Variants in MROH2B observed in about 807,000 individuals in gnomAD.
The protein encoded by MROH2B is maestro heat-like repeat-containing protein family member 2B.
MROH2B carries 177 observed loss-of-function variants against 208.6 expected under a neutral mutation model. That is an observed-to-expected ratio of 0.85 (90% CI 0.75 to 0.96). MROH2B has a LOEUF of 0.96. Ranked by LOEUF, MROH2B falls within the 40% of genes least tolerant of loss-of-function variation. MROH2B has a pLI of 0.00. For synonymous variants in MROH2B, 728 were observed against 659.0 expected (o/e 1.10, Z -1.60); for missense variants, 2,002 against 1,878.7 (o/e 1.07, Z -1.21).
intron 24 of MROH2B, 112 bp from the exon 25 acceptor site, chr5:41,019,130 T>A: frequency 7.7e-7 from 1 of 1,294,812 alleles, no homozygotes; most frequent in Non-Finnish European, 1.1e-6. Context: ...ACGTGTCACA[T>A]TTTCTGACAC....
intron 2 of MROH2B, 50 bp downstream of exon 2, chr5:41,069,641 G>C (rs1253502661): frequency 7.2e-7 from 1 of 1,384,032 alleles, no homozygotes; most frequent in Admixed American, 2.0e-5. Context: ...ACGAAATGTT[G>C]CAACAAGAAG....
intron 26 of MROH2B, 115 bp from the exon 27 acceptor site, chr5:41,018,545 C>A (rs1742032060): frequency 1.4e-6 from 2 of 1,441,188 alleles, no homozygotes; most frequent in Non-Finnish European, 1.9e-6. Flanking sequence ...TCCCCACAAA[C>A]AATTTTTAAG....
At chr5:41,070,008 T>G (rs1023476755) in intron 1 of MROH2B, among the ~76,000 whole-genome samples, 4 of 152,230 alleles carry the variant, frequency 2.6e-5, no homozygotes, top group Admixed American at 6.5e-5. Flanking sequence ...CGGATTCCTA[T>G]GTATCCCTCC....
At chr5:41,043,094 C>A (rs1169096547) in intron 18 of MROH2B, among the ~76,000 whole-genome samples, 1 of 152,116 alleles carries the variant, frequency 6.6e-6, no homozygotes, top group Non-Finnish European at 1.5e-5. Context: ...TCATTACTGA[C>A]AATAGGAAAA....
intron 13 of MROH2B, among the ~76,000 whole-genome samples, chr5:41,049,834 A>T (rs987406624): frequency 1.3e-5 from 2 of 152,166 alleles, no homozygotes; most frequent in African/African-American, 4.8e-5. Context: ...TGACTTCCCC[A>T]GTTGAGAAGC....
Position 41,004,424 on chromosome 5 carries a change from G to C in MROH2B, c.4116C>G (p.Ile1372Met). ...CGTCTCGGTCTGTCAGCAGCTCCAG[G>C]ATTTTTTTTAGAGCCTTCAAGCTTT... ...VCESLKALKK[I>M]LELLTDRDVS... The change falls in exon 37 of 42, where the codon ATC (isoleucine) becomes ATG (methionine). Residue 1372 changes from isoleucine to methionine, a missense_variant. Coordinates refer to ENST00000399564, the MANE Select transcript of MROH2B (RefSeq NM_173489.5). 1 of 1,613,974 alleles carries C rather than the reference G, an allele frequency of 6.2e-7. No homozygotes were observed. The highest frequency in any genetic ancestry group is 1.1e-5 in the South Asian group (1 of 91,084).
Position 41,024,229 on chromosome 5 carries a change from C to T in MROH2B, c.2442-5211G>A, listed in dbSNP as rs1203225774. On this transcript the variant is annotated intron_variant, in intron 24 of 41. Transcript: ENST00000399564. ...TGGGATAAATACTCCAATTAAAAGA[C>T]ACAGACTGGCAAATTGGATAAAGAG... is the stretch of plus-strand genomic sequence containing the variant. Among the ~76,000 whole-genome samples, 4 of 152,286 alleles carry T rather than the reference C, an allele frequency of 2.6e-5. No individual in the cohort carries two copies. In the East Asian group the frequency reaches 7.7e-4, roughly 29 times the overall value.
In MROH2B at chr5:41,020,889, A is replaced by T. The variant is rs1398954753; in HGVS notation, c.2442-1871T>A. ...CATCCCCTGTAAGATCAAGAGTAAG[A>T]CAAGGATACCATTTTTACAACTTCT... is the stretch of plus-strand genomic sequence containing the variant. On this transcript the variant is annotated intron_variant, in intron 24 of 41. Transcript: ENST00000399564. Among the ~76,000 whole-genome samples the T allele has an allele frequency of 3.3e-5, 5 of 152,214 alleles. No individual in the cohort carries two copies. In the East Asian group the frequency reaches 9.6e-4, roughly 29 times the overall value.
intron 5 of MROH2B, among the ~76,000 whole-genome samples, chr5:41,062,273 T>C (rs185298222): frequency 1.1e-3 from 168 of 152,264 alleles, no homozygotes; most frequent in Non-Finnish European, 1.7e-3. Context: ...GAAATAAAAA[T>C]GGGCGATAAC....
At chr5:41,034,304 T>C (rs140549443) in intron 21 of MROH2B, among the ~76,000 whole-genome samples, 2 of 152,254 alleles carry the variant, frequency 1.3e-5, no homozygotes, top group African/African-American at 4.8e-5. Flanking sequence ...AAAATGCAGA[T>C]TTGTTCCAAT....
At chr5:41,057,983 G>C (rs1390572443) in intron 7 of MROH2B, 80 bp downstream of exon 7, 3 of 1,350,080 alleles carry the variant, frequency 2.2e-6, no homozygotes, top group Non-Finnish European at 2.9e-6. Context: ...AAGCTCCTTA[G>C]GGTCTTTTGA....
intron 24 of MROH2B, among the ~76,000 whole-genome samples, chr5:41,022,716 C>T (rs538402816): frequency 1.2e-4 from 18 of 151,676 alleles, no homozygotes; most frequent in South Asian, 6.2e-4. Context: ...TCTCCCGGCA[C>T]GAAGATCTGA....
chr5:41,058,575 A>G (rs1431573992), intron 6 of MROH2B, among the ~76,000 whole-genome samples: 1 of 152,102 alleles, frequency 6.6e-6, no homozygotes, highest in Non-Finnish European at 1.5e-5. Context: ...CTCCCGCCTC[A>G]GCCTCCTGAG....
At position 41,039,450 on chromosome 5, in the gene MROH2B, T is replaced by C. The variant is rs1742873793; in HGVS notation, c.2059A>G (p.Lys687Glu). ...NQEKFFMNRCKSLFSGKKSLT... is the reference protein window; with the variant it reads ...NQEKFFMNRCESLFSGKKSLT... ...TTGAAGGAGATGATTCTTCTTACCT[T>C]ACATCGATTCATGAAAAACTTTTCC... Residue 687 changes from lysine (K) to glutamate (E), a missense_variant and splice_region_variant, in exon 20 of 42, where the codon AAG (lysine) becomes GAG (glutamate). Physicochemically the swap from Lys to Glu is moderately conservative, Grantham distance 56 (BLOSUM62 1). Coordinates refer to ENST00000399564, the MANE Select transcript of MROH2B (RefSeq NM_173489.5). 1 of 1,560,610 alleles carries C rather than the reference T, an allele frequency of 6.4e-7. No homozygotes were observed. Among genetic ancestry groups the C allele is most frequent in the Non-Finnish European group, 8.8e-7 (1 of 1,141,352 alleles).
rs751240664 is a variant in MROH2B, at chr5:41,039,588, TA to T, written c.1954-34del. On this transcript the variant is annotated intron_variant, in intron 19 of 41. Transcript: ENST00000399564. ...CAGAAAAGGTATGACATTTTGAGTT[TA>T]ACCATTTATTTATTCAACAAATATT... is the stretch of plus-strand genomic sequence containing the variant. 4.9e-6 allele frequency: 7 copies of T among 1,417,112 alleles called. No individual in the cohort carries two copies. In the South Asian group the frequency reaches 9.1e-5, roughly 19 times the overall value. 87.8% of individuals were successfully genotyped at this position (1,417,112 alleles called of 1,614,324 possible). A position where few individuals can be genotyped will look rare whatever the true frequency, so the allele number is the denominator to read the frequency against.
intron 6 of MROH2B, among the ~76,000 whole-genome samples, chr5:41,060,204 A>G (rs1457623389): frequency 6.6e-6 from 1 of 152,112 alleles, no homozygotes. Flanking sequence ...CACGAACACT[A>G]TGTTAATTGA....
In MROH2B at chr5:41,018,419, C is replaced by T. The variant is rs1742028792; in HGVS notation, c.2685G>A (p.Met895Ile). 6.2e-7 allele frequency: 1 copy of T among 1,612,732 alleles called. No homozygotes were observed. Among genetic ancestry groups the T allele is most frequent in the Non-Finnish European group, 8.5e-7 (1 of 1,179,582 alleles). ...CCCACTCTTTTTGTGAAACAAGCCA[C>T]ATTTGGAGAAGCTGTTGGTCAAAGA... ...DCQEMFNLLQ[M>I]WLVSQKEWER... The change falls in exon 27 of 42, where the codon ATG (methionine) becomes ATA (isoleucine). Residue 895 changes from methionine to isoleucine, a missense_variant. By Grantham distance (10) the Met-to-Ile change is conservative. Transcript: ENST00000399564.
chr5:41,039,873 G>A (rs1019143733), intron 19 of MROH2B, among the ~76,000 whole-genome samples: 1 of 152,158 alleles, frequency 6.6e-6, no homozygotes, highest in Non-Finnish European at 1.5e-5. Flanking sequence ...TATTAAAATA[G>A]GATAGTCAGA....
chr5:41,049,974 A>C (rs1743239107), intron 13 of MROH2B, among the ~76,000 whole-genome samples: 1 of 152,126 alleles, frequency 6.6e-6, no homozygotes, highest in Non-Finnish European at 1.5e-5. Context: ...CTCTTGTCCT[A>C]ATGGAAACCT....
Sources: gnomAD v4.1 joint callset for allele counts (sites outside exome capture counted in the v4.1 genomes callset) on GRCh38, gnomAD v4.1.1 for gene constraint, MANE v1.5 for transcripts, NCBI Gene and HGNC (gene_info 2026-07-23, HGNC 2026-07-21) for gene names.